CPED1: variants seen among roughly 807,000 people sequenced by gnomAD.
CPED1 encodes cadherin-like and PC-esterase domain-containing protein 1.
CPED1 carries 114 observed loss-of-function variants against 128.2 expected under a neutral mutation model. The ratio of observed to expected loss-of-function variants is 0.89; its 90% confidence interval spans 0.76 to 1.04. CPED1 has a LOEUF of 1.04. CPED1 is among the 50% of genes least tolerant of loss of function. The pLI, the probability that CPED1 is intolerant of heterozygous loss-of-function variation, is 0.00. For missense variants in CPED1, 1,211 were observed against 1,207.1 expected (o/e 1.00, Z -0.05); for synonymous variants, 462 against 426.7 (o/e 1.08, Z -1.02).
intron 4 of CPED1, among the ~76,000 whole-genome samples, chr7:121,056,310 T>G (rs988746535): frequency 6.6e-6 from 1 of 152,182 alleles, no homozygotes; most frequent in African/African-American, 2.4e-5. Flanking sequence ...GGAAAAATAC[T>G]GTTTTAGGGA....
At position 121,047,006 on chromosome 7, in the gene CPED1, A is replaced by C; in HGVS notation, c.540+13A>C. The C allele has an allele frequency of 6.6e-7, 1 of 1,514,614 alleles. No homozygotes were observed. The highest frequency in any genetic ancestry group is 9.2e-7 in the Non-Finnish European group (1 of 1,090,228). The allele number at this position is 1,514,614 out of a possible 1,614,324, so 93.8% of individuals were successfully genotyped here. A position where few individuals can be genotyped will look rare whatever the true frequency, so the allele number is the denominator to read the frequency against. On this transcript the variant is annotated intron_variant, in intron 4 of 22. Transcript: ENST00000310396. ...TTTACATCAAAAGGTAAATACTCTC[A>C]AGATGTGCACAGATTTTATCAGCCC...
At chr7:121,078,664 C>T (rs1321042281) in intron 5 of CPED1, among the ~76,000 whole-genome samples, 1 of 152,110 alleles carries the variant, frequency 6.6e-6, no homozygotes, top group East Asian at 1.9e-4. Context: ...AAGATGGCTG[C>T]CAGGTACTCC....
chr7:121,010,529 G>A (rs772146147), intron 2 of CPED1, among the ~76,000 whole-genome samples: 2 of 152,186 alleles, frequency 1.3e-5, no homozygotes, highest in South Asian at 2.1e-4. Flanking sequence ...GATTACAGGC[G>A]TGAGCCACCA....
chr7:121,234,737 T>C (rs530355930), intron 16 of CPED1, among the ~76,000 whole-genome samples: 1 of 151,964 alleles, frequency 6.6e-6, no homozygotes, highest in Non-Finnish European at 1.5e-5. Flanking sequence ...CAGATTTCCT[T>C]TTATTCTCTT....
chr7:121,182,999 G>GA (rs946891592), intron 16 of CPED1, among the ~76,000 whole-genome samples: 108 of 145,934 alleles, frequency 7.4e-4, no homozygotes, highest in Admixed American at 1.0e-3. Context: ...TCTTTTCAAA[G>GA]AAAAAAAAAA....
chr7:121,014,934 A>C (rs1470481190), intron 2 of CPED1, among the ~76,000 whole-genome samples: 2 of 152,232 alleles, frequency 1.3e-5, no homozygotes, highest in East Asian at 3.8e-4. Context: ...TTTAAGCCTT[A>C]TAATGAATTT....
At chr7:121,278,765 G>C (rs1424683119) in intron 22 of CPED1, among the ~76,000 whole-genome samples, 1 of 152,068 alleles carries the variant, frequency 6.6e-6, no homozygotes, top group Non-Finnish European at 1.5e-5. Flanking sequence ...TATATTGAAT[G>C]GTTGTAACAC....
intron 3 of CPED1, among the ~76,000 whole-genome samples, chr7:121,046,317 T>C (rs1414242473): frequency 6.6e-6 from 1 of 152,118 alleles, no homozygotes; most frequent in East Asian, 1.9e-4. Context: ...TTATGCAAAA[T>C]CTGTCGTTTT....
At chr7:121,092,030 C>T (rs1217520209) in intron 5 of CPED1, among the ~76,000 whole-genome samples, 1 of 152,142 alleles carries the variant, frequency 6.6e-6, no homozygotes, top group Non-Finnish European at 1.5e-5. Context: ...AAGGAGCAGC[C>T]TTCCTTTTGG....
chr7:121,279,454 C>T (rs1332266875), intron 22 of CPED1, among the ~76,000 whole-genome samples: 6 of 144,596 alleles, frequency 4.1e-5, no homozygotes, highest in African/African-American at 1.5e-4. Context: ...TCCCCACCCC[C>T]CGCCACAAAG....
intron 16 of CPED1, among the ~76,000 whole-genome samples, chr7:121,156,583 C>A (rs1018857921): frequency 2.6e-5 from 4 of 152,000 alleles, no homozygotes; most frequent in African/African-American, 7.3e-5. Flanking sequence ...ATAAGCCAGG[C>A]ACAGAAAGAC....
chr7:121,074,161 C>A (rs562794368), intron 5 of CPED1, among the ~76,000 whole-genome samples: 1 of 152,116 alleles, frequency 6.6e-6, no homozygotes, highest in Admixed American at 6.6e-5. Flanking sequence ...CACTTTGATG[C>A]CTTCAAAGTG....
chr7:121,238,504 C>T (rs948843489), intron 17 of CPED1, among the ~76,000 whole-genome samples: 1 of 152,022 alleles, frequency 6.6e-6, no homozygotes, highest in Non-Finnish European at 1.5e-5. Flanking sequence ...AGATTCCCAG[C>T]TTAGCTTCTT....
Position 120,998,640 on chromosome 7 carries a change from A to C in CPED1, c.249+8770A>C, listed in dbSNP as rs545253353. Among the ~76,000 whole-genome samples, 26 of 152,276 alleles carry C rather than the reference A, an allele frequency of 1.7e-4. No individual in the cohort carries two copies. The South Asian group carries it at 4.8e-3, about 28-fold the overall frequency. On this transcript the variant is annotated intron_variant, in intron 2 of 22. Coordinates refer to ENST00000310396, the MANE Select transcript of CPED1 (RefSeq NM_024913.5). ...CAATCAACATAAGTCTTTGGATAAG[A>C]AATGTCTGAGATGAAAGCTTTGTTG...
At chr7:121,139,981 C>G (rs1003225538) in intron 14 of CPED1, among the ~76,000 whole-genome samples, 1 of 151,950 alleles carries the variant, frequency 6.6e-6, no homozygotes, top group African/African-American at 2.4e-5. Context: ...GAATGAAATA[C>G]TCCTTGACAT....
intron 5 of CPED1, among the ~76,000 whole-genome samples, chr7:121,093,235 A>T (rs1230828813): frequency 6.6e-6 from 1 of 152,138 alleles, no homozygotes; most frequent in African/African-American, 2.4e-5. Context: ...AAGGAAAAAA[A>T]TTAGGTTGAA....
chr7:121,234,434 T>C (rs2116659518), intron 16 of CPED1, among the ~76,000 whole-genome samples: 1 of 152,036 alleles, frequency 6.6e-6, no homozygotes, highest in East Asian at 1.9e-4. Context: ...TTAGATGACA[T>C]TATAGCATAT....
intron 3 of CPED1, among the ~76,000 whole-genome samples, chr7:121,036,249 T>G (rs1270877237): frequency 6.6e-6 from 1 of 152,098 alleles, no homozygotes; most frequent in African/African-American, 2.4e-5. Context: ...CTGTACCCAA[T>G]GCGTAGTCTT....
chr7:121,070,128 A>AT (rs1793950338), intron 5 of CPED1, among the ~76,000 whole-genome samples: 1 of 151,088 alleles, frequency 6.6e-6, no homozygotes, highest in Non-Finnish European at 1.5e-5. Flanking sequence ...AGCTTTAAAA[A>AT]TTATAGATAC....
Sources: allele counts gnomAD v4.1 joint callset (sites outside exome capture counted in the v4.1 genomes callset), GRCh38; gene constraint gnomAD v4.1.1; transcripts MANE v1.5; gene names NCBI Gene and HGNC (gene_info 2026-07-23, HGNC 2026-07-21).